Variants in ACACA observed in about 807,000 individuals in gnomAD.
ACACA encodes the protein acetyl-CoA carboxylase 1.
A neutral mutation model predicts 296.1 loss-of-function variants in ACACA; 103 were observed. That is an observed-to-expected ratio of 0.35 (90% CI 0.30 to 0.41). The LOEUF (loss-of-function observed/expected upper bound fraction) is 0.41, where lower values mean the gene tolerates loss of function less well. Ranked by LOEUF, ACACA falls within the 10% of genes least tolerant of loss-of-function variation. The pLI is 1.00. For synonymous variants in ACACA, 953 were observed against 1,038.6 expected (o/e 0.92, Z 1.58); for missense variants, 1,554 against 2,989.7 (o/e 0.52, Z 11.20).
At chr17:37,366,478 T>C (rs1344725820) in intron 1 of ACACA, among the ~76,000 whole-genome samples, 1 of 151,454 alleles carries the variant, frequency 6.6e-6, no homozygotes, top group Non-Finnish European at 1.5e-5. Flanking sequence ...TGTCTTTTTT[T>C]TTTTTTTTGA....
intron 25 of ACACA, among the ~76,000 whole-genome samples, chr17:37,232,204 C>G: frequency 6.6e-6 from 1 of 152,296 alleles, no homozygotes; most frequent in East Asian, 1.9e-4. Flanking sequence ...TGATACCTCC[C>G]TCCCTGTAGG....
At chr17:37,200,723 G>C (rs900391340) in intron 33 of ACACA, among the ~76,000 whole-genome samples, 6 of 152,202 alleles carry the variant, frequency 3.9e-5, no homozygotes. Context: ...TTGTGGAGGA[G>C]AAAGGGTGAT....
chr17:37,196,557 G>T (rs140007525), intron 35 of ACACA, among the ~76,000 whole-genome samples: 1 of 151,140 alleles, frequency 6.6e-6, no homozygotes, highest in Non-Finnish European at 1.5e-5. Context: ...GGGATAAGAA[G>T]AAGTCCTGAA....
intron 42 of ACACA, among the ~76,000 whole-genome samples, chr17:37,156,826 A>C (rs1279848556): frequency 6.6e-6 from 1 of 152,226 alleles, no homozygotes; most frequent in Admixed American, 6.5e-5. Flanking sequence ...AACTCAATAA[A>C]TGTATGTCCC....
chr17:37,250,883 C>A (rs1320488992), intron 16 of ACACA, among the ~76,000 whole-genome samples: 8 of 150,624 alleles, frequency 5.3e-5, no homozygotes, highest in African/African-American at 1.5e-4. Flanking sequence ...AAAAATTAGC[C>A]GGGCCTGGTG....
chr17:37,217,753 A>AAAAC (rs2079087149), intron 29 of ACACA, among the ~76,000 whole-genome samples: 1 of 94,164 alleles, frequency 1.1e-5, no homozygotes, highest in African/African-American at 4.2e-5. Context: ...AAAAAAAAAA[A>AAAAC]AAAAAAAAAA....
chr17:37,147,379 G>A (rs1275385004), intron 45 of ACACA, among the ~76,000 whole-genome samples: 1 of 152,030 alleles, frequency 6.6e-6, no homozygotes, highest in Non-Finnish European at 1.5e-5. Context: ...CACCCACACA[G>A]AAAGAGACAT....
At chr17:37,136,942 C>CA (rs769799822) in intron 45 of ACACA, among the ~76,000 whole-genome samples, 3,613 of 117,126 alleles carry the variant, frequency 0.031, 65 homozygotes, top group East Asian at 0.073. Flanking sequence ...GACTCCGTCT[C>CA]AAAAAAAAAA....
intron 1 of ACACA, among the ~76,000 whole-genome samples, chr17:37,355,639 C>T (rs1294472615): frequency 2.6e-5 from 4 of 151,552 alleles, no homozygotes; most frequent in African/African-American, 4.8e-5. Flanking sequence ...GCAGATTATC[C>T]GAGGTCGGGA....
At chr17:37,276,902 A>G in intron 7 of ACACA, 131 bp downstream of exon 7, 2 of 810,570 alleles carry the variant, frequency 2.5e-6, no homozygotes, top group Non-Finnish European at 4.3e-6. Context: ...AGAGTTAGTA[A>G]TAGATTGAGG....
intron 33 of ACACA, among the ~76,000 whole-genome samples, chr17:37,205,240 T>C (rs1175958771): frequency 6.6e-6 from 1 of 152,058 alleles, no homozygotes; most frequent in Non-Finnish European, 1.5e-5. Context: ...TTGTGAGGTT[T>C]TTTGTTTTGT....
chr17:37,301,583 G>T (rs1270606885), intron 3 of ACACA, among the ~76,000 whole-genome samples: 1 of 152,174 alleles, frequency 6.6e-6, no homozygotes, highest in Non-Finnish European at 1.5e-5. Flanking sequence ...CTTGGATCAA[G>T]GATGTGTCTC....
chr17:37,089,146 T>G, intron 54 of ACACA, 72 bp from the exon 55 acceptor site: 1 of 1,606,380 alleles, frequency 6.2e-7, no homozygotes. Context: ...ATTCAGGATC[T>G]GGAGTGCTTG....
rs1046295350 is a variant in ACACA, at chr17:37,162,059, G to A, written c.5080-9C>T. On this transcript the variant is annotated splice_polypyrimidine_tract_variant and intron_variant, in intron 41 of 55. Transcript: ENST00000616317. ...CAAGCTACCATGCCAATCTGGAAAGGCATAAACAAACAAATGAACAGAAGT... is the reference window on the plus strand; with the variant it reads ...CAAGCTACCATGCCAATCTGGAAAGACATAAACAAACAAATGAACAGAAGT... The A allele has an allele frequency of 6.2e-7, 1 of 1,614,036 alleles. No individual in the cohort carries two copies. The highest frequency in any genetic ancestry group is 8.5e-7 in the Non-Finnish European group (1 of 1,179,992).
At chr17:37,154,975 T>C (rs1417843306) in intron 43 of ACACA, among the ~76,000 whole-genome samples, 4 of 152,228 alleles carry the variant, frequency 2.6e-5, no homozygotes, top group African/African-American at 7.2e-5. Context: ...AATCCTATTC[T>C]ACACTGCTGA....
intron 41 of ACACA, among the ~76,000 whole-genome samples, chr17:37,174,636 G>A (rs1291721712): frequency 2.0e-5 from 3 of 151,852 alleles, no homozygotes; most frequent in Non-Finnish European, 2.9e-5. Context: ...GGGTTCAAGC[G>A]ATTCTCCTGC....
At position 37,207,646 on chromosome 17, in the gene ACACA, C is replaced by T. The variant is rs1424622438; in HGVS notation, c.3851+11G>A. On this transcript the variant is annotated intron_variant, in intron 31 of 55. Transcript: ENST00000616317. Reference sequence around the variant, plus strand: ...CTCCCCTTGTACAGACATAGTTCCACAATGTCTTACCTGACAAAATCTTCA... The same window carrying T: ...CTCCCCTTGTACAGACATAGTTCCATAATGTCTTACCTGACAAAATCTTCA... The T allele has an allele frequency of 6.2e-7, 1 of 1,613,794 alleles. No homozygotes were observed. Among genetic ancestry groups the T allele is most frequent in the Admixed American group, 1.7e-5 (1 of 59,966 alleles).
chr17:37,333,347 A>G (rs1287394085), intron 2 of ACACA, among the ~76,000 whole-genome samples: 2 of 117,938 alleles, frequency 1.7e-5, no homozygotes, highest in Admixed American at 1.8e-4. Flanking sequence ...GTCATCAGAA[A>G]GGAAAGGAAA....
rs375178618 is a variant in ACACA, at chr17:37,266,467, T to TAA, written c.1120-2575_1120-2574dup. On this transcript the variant is annotated intron_variant, in intron 10 of 55. Coordinates refer to ENST00000616317, the MANE Select transcript of ACACA (RefSeq NM_198834.3). ...GAAGCATGTTTCCAGCTGAAAGCAT[T>TAA]AAAAAAAAAAAAAAGATACTTAGAA... Among the ~76,000 whole-genome samples the TAA allele has an allele frequency of 3.2e-3, 447 of 139,230 alleles. 2 individuals are homozygous for TAA. The South Asian group carries it at 0.033, about 10-fold the overall frequency. 91.3% of individuals were successfully genotyped at this position (139,230 alleles called of 152,430 possible). A position where few individuals can be genotyped will look rare whatever the true frequency, so the allele number is the denominator to read the frequency against.
Sources: allele counts gnomAD v4.1 joint callset (sites outside exome capture counted in the v4.1 genomes callset), GRCh38; gene constraint gnomAD v4.1.1; transcripts MANE v1.5; gene names NCBI Gene and HGNC (gene_info 2026-07-23, HGNC 2026-07-21).